The following TRAPPC9 variants were observed in gnomAD, a reference collection of about 807,000 sequenced individuals.
TRAPPC9 encodes trafficking protein particle complex subunit 9.
Under a neutral mutation model 124.0 loss-of-function variants are expected in TRAPPC9, and 83 were observed. The ratio of observed to expected loss-of-function variants is 0.67; its 90% CI spans 0.56 to 0.80. TRAPPC9 has a LOEUF of 0.80. Among genes scored for constraint, TRAPPC9 ranks in the 30% least tolerant of loss-of-function variants. TRAPPC9 has a pLI of 0.00. For synonymous variants in TRAPPC9, 638 were observed against 617.5 expected (o/e 1.03, Z -0.49); for missense variants, 1,302 against 1,508.3 (o/e 0.86, Z 2.27).
At position 139,971,971 on chromosome 8, in the gene TRAPPC9, G is replaced by A. The variant is rs142546698; in HGVS notation, c.2810+16755C>T. On this transcript the variant is annotated intron_variant, in intron 19 of 22. Transcript: ENST00000438773. ...CAAGTTGCTGGGACTACAGGCACGC[G>A]CCACCATGCCCGCCTAAATTTTTTT... is the stretch of plus-strand genomic sequence containing the variant. 3.2e-3 allele frequency among the ~76,000 whole-genome samples: 486 copies of A among 152,006 alleles called. 3 individuals carry two copies. Among genetic ancestry groups the A allele is most frequent in the African/African-American group, 0.011 (461 of 41,476 alleles).
chr8:140,202,163 TA>T lies in TRAPPC9; in HGVS notation c.2556+19295del, dbSNP rs397698897. Among the ~76,000 whole-genome samples the T allele has an allele frequency of 7.8e-3, 1,062 of 135,784 alleles. 7 individuals carry two copies. Among genetic ancestry groups the T allele is most frequent in the African/African-American group, 0.019 (707 of 36,668 alleles). The allele number at this position is 135,784 out of a possible 152,430, so 89.1% of individuals were successfully genotyped here. A position where few individuals can be genotyped will look rare whatever the true frequency, so the allele number is the denominator to read the frequency against. On this transcript the variant is annotated intron_variant, in intron 17 of 22. Transcript: ENST00000438773. ...GAGATAAAAGCTCATCTTCTGTAAT[TA>T]AAAAAAAAAAAAAAAGCAATGAGGC...
At chr8:140,191,018 G>A (rs1016012389) in intron 17 of TRAPPC9, among the ~76,000 whole-genome samples, 11 of 152,242 alleles carry the variant, frequency 7.2e-5, no homozygotes, top group South Asian at 2.1e-4. Flanking sequence ...TGAGAAGAAC[G>A]GGCAGTCTCT....
chr8:140,404,451 T>C (rs1198350604), intron 6 of TRAPPC9, among the ~76,000 whole-genome samples: 3 of 152,126 alleles, frequency 2.0e-5, no homozygotes, highest in African/African-American at 4.8e-5. Context: ...TCACAAAATG[T>C]CTTGATGAAT....
At chr8:140,446,806 A>T (rs13276459) in intron 2 of TRAPPC9, among the ~76,000 whole-genome samples, 71,770 of 151,892 alleles carry the variant, frequency 0.47, 17,221 homozygotes, top group East Asian at 0.53. Context: ...TGCTGGGATT[A>T]CAGATGTGAA....
chr8:140,050,851 C>T lies in TRAPPC9; in HGVS notation c.2557-26772G>A, dbSNP rs572450271. Among the ~76,000 whole-genome samples the T allele has an allele frequency of 5.3e-5, 8 of 152,288 alleles. No individual in the cohort carries two copies. The East Asian group carries it at 1.4e-3, about 26-fold the overall frequency. On this transcript the variant is annotated intron_variant, in intron 17 of 22. Coordinates refer to ENST00000438773, the MANE Select transcript of TRAPPC9 (RefSeq NM_001160372.4). ...CTTCCAGGGCACACACACTGGGGGG[C>T]CACACAGCCCTGCACAGGGGGAAGG...
chr8:139,939,298 C>T (rs1833752444), intron 19 of TRAPPC9, among the ~76,000 whole-genome samples: 1 of 152,200 alleles, frequency 6.6e-6, no homozygotes, highest in African/African-American at 2.4e-5. Context: ...AGCATAGGAG[C>T]CAGGGCCCTG....
chr8:140,131,851 G>A (rs778582301), intron 17 of TRAPPC9, among the ~76,000 whole-genome samples: 8 of 152,156 alleles, frequency 5.3e-5, no homozygotes, highest in Non-Finnish European at 1.0e-4. Flanking sequence ...TTCCTAATCT[G>A]GCCTAAAGCT....
intron 17 of TRAPPC9, among the ~76,000 whole-genome samples, chr8:140,148,108 G>A (rs550993283): frequency 5.9e-5 from 9 of 152,218 alleles, no homozygotes; most frequent in Non-Finnish European, 8.8e-5. Context: ...TCACGCACAC[G>A]GGAAGCCCCC....
At chr8:140,429,572 GA>G (rs529764267) in intron 4 of TRAPPC9, among the ~76,000 whole-genome samples, 91 of 152,190 alleles carry the variant, frequency 6.0e-4, no homozygotes, top group African/African-American at 2.0e-3. Flanking sequence ...TGTAGAGGCC[GA>G]GGTGGGTGGA....
chr8:140,142,492 G>T (rs1241268204), intron 17 of TRAPPC9, among the ~76,000 whole-genome samples: 2 of 152,210 alleles, frequency 1.3e-5, no homozygotes, highest in Non-Finnish European at 2.9e-5. Flanking sequence ...CCTGCTCACT[G>T]GGAAGGCTGC....
In TRAPPC9 at chr8:140,450,298, T is replaced by C. The variant is rs145789145; in HGVS notation, c.584+492A>G. On this transcript the variant is annotated intron_variant, in intron 2 of 22. Transcript: ENST00000438773. Reference sequence around the variant, plus strand: ...ATCACTTGAACCCGGGAGGTGCACGTTGCACTGAGCCAAGATCGCGCCACT... The same window carrying C: ...ATCACTTGAACCCGGGAGGTGCACGCTGCACTGAGCCAAGATCGCGCCACT... Among the ~76,000 whole-genome samples the C allele has an allele frequency of 8.1e-3, 1,240 of 152,220 alleles. 6 individuals are homozygous for C. The highest frequency in any genetic ancestry group is 0.015 in the Non-Finnish European group (994 of 68,010).
chr8:140,057,603 C>T (rs775881393), intron 17 of TRAPPC9, among the ~76,000 whole-genome samples: 1 of 152,172 alleles, frequency 6.6e-6, no homozygotes, highest in Non-Finnish European at 1.5e-5. Flanking sequence ...ACAAACACTG[C>T]ACGATTCTGC....
intron 17 of TRAPPC9, among the ~76,000 whole-genome samples, chr8:140,090,399 C>A (rs1289744344): frequency 6.6e-6 from 1 of 152,194 alleles, no homozygotes; most frequent in Non-Finnish European, 1.5e-5. Flanking sequence ...TCAGCTCTTA[C>A]GATGCCCCAG....
chr8:140,272,627 T>A (rs1392429114), intron 15 of TRAPPC9, among the ~76,000 whole-genome samples: 2 of 152,068 alleles, frequency 1.3e-5, no homozygotes, highest in African/African-American at 2.4e-5. Flanking sequence ...TAGTTCCACA[T>A]CCTGTACAAG....
intron 8 of TRAPPC9, among the ~76,000 whole-genome samples, chr8:140,361,090 A>G (rs534128166): frequency 1.3e-5 from 2 of 152,384 alleles, no homozygotes; most frequent in South Asian, 4.1e-4. Context: ...AACCACACAG[A>G]CTGGCTAATC....
At chr8:139,809,532 G>A (rs564098129) in intron 21 of TRAPPC9, among the ~76,000 whole-genome samples, 4 of 152,298 alleles carry the variant, frequency 2.6e-5, no homozygotes, top group African/African-American at 9.6e-5. Flanking sequence ...AATCGCCTCC[G>A]ACTTCAGTCT....
At chr8:139,914,774 C>T (rs1040933789) in intron 19 of TRAPPC9, 1 of 152,272 alleles carries the variant, frequency 6.6e-6, no homozygotes, top group Admixed American at 6.5e-5. Flanking sequence ...CTTGATGCCA[C>T]ATTCATGCCA....
chr8:140,316,863 G>A (rs963585419), intron 9 of TRAPPC9, among the ~76,000 whole-genome samples: 3 of 152,112 alleles, frequency 2.0e-5, no homozygotes, highest in Admixed American at 1.3e-4. Flanking sequence ...GCTTTTCTTT[G>A]ATGGGAGACT....
chr8:140,256,500 C>T (rs974999443), intron 15 of TRAPPC9, among the ~76,000 whole-genome samples: 1 of 152,082 alleles, frequency 6.6e-6, no homozygotes, highest in Non-Finnish European at 1.5e-5. Context: ...CAGTTCTCTG[C>T]CTACTCGATG....
Sources: gnomAD v4.1 joint callset for allele counts (sites outside exome capture counted in the v4.1 genomes callset) on GRCh38, gnomAD v4.1.1 for gene constraint, MANE v1.5 for transcripts, NCBI Gene and HGNC (gene_info 2026-07-23, HGNC 2026-07-21) for gene names.